Variants in B4GALT6 observed in about 807,000 individuals in gnomAD.
B4GALT6 encodes beta-1,4-galactosyltransferase 6, also known as UDP-Gal:beta-GlcNAc beta-1,4-galactosyltransferase 6.
B4GALT6 carries 14 observed loss-of-function variants against 46.3 expected under a neutral mutation model. The observed-to-expected ratio is 0.30, with a 90% CI of 0.20 to 0.47. The LOEUF (loss-of-function observed/expected upper bound fraction) is 0.47. Among genes scored for constraint, B4GALT6 ranks in the 20% least tolerant of loss-of-function variants. B4GALT6 has a pLI of 0.99. For missense variants in B4GALT6, 386 were observed against 480.1 expected (o/e 0.80, Z 1.83); for synonymous variants, 168 against 162.0 (o/e 1.04, Z -0.28).
chr18:31,630,084 C>T (rs1040269440), intron 6 of B4GALT6, among the ~76,000 whole-genome samples: 2 of 10,108 alleles, frequency 2.0e-4, no homozygotes, highest in African/African-American at 4.2e-4. Flanking sequence ...GGAGCGGAAG[C>T]GGGGAGGGGG....
chr18:31,681,485 T>C (rs1176761845), intron 1 of B4GALT6, among the ~76,000 whole-genome samples: 3 of 152,248 alleles, frequency 2.0e-5, no homozygotes, highest in Non-Finnish European at 2.9e-5. Context: ...CTGTGTTTCC[T>C]GTATGCATTA....
At chr18:31,634,391 T>C (rs1285919579) in intron 5 of B4GALT6, among the ~76,000 whole-genome samples, 1 of 152,234 alleles carries the variant, frequency 6.6e-6, no homozygotes, top group African/African-American at 2.4e-5. Flanking sequence ...CTTACTTTAG[T>C]GCAGTGCTTC....
intron 3 of B4GALT6, among the ~76,000 whole-genome samples, 184 bp downstream of exon 3, chr18:31,657,792 C>G (rs1037443715): frequency 4.6e-5 from 7 of 152,030 alleles, no homozygotes; most frequent in African/African-American, 1.7e-4. Context: ...TCAATCATCC[C>G]CCTTCAAAAT....
chr18:31,634,155 AG>A (rs2073827425), intron 5 of B4GALT6, among the ~76,000 whole-genome samples: 1 of 152,166 alleles, frequency 6.6e-6, no homozygotes, highest in South Asian at 2.1e-4. Flanking sequence ...AGACGGGGAA[AG>A]GCCTGGGGTC....
At chr18:31,655,595 G>A (rs2074128815) in intron 3 of B4GALT6, among the ~76,000 whole-genome samples, 1 of 152,140 alleles carries the variant, frequency 6.6e-6, no homozygotes, top group Non-Finnish European at 1.5e-5. Context: ...GTGGCAGACA[G>A]ATGCTTTGAA....
chr18:31,711,142 A>C, the B4GALT6 span, among the ~76,000 whole-genome samples: 1 of 152,188 alleles, frequency 6.6e-6, no homozygotes, highest in Non-Finnish European at 1.5e-5. Flanking sequence ...TCTCTTAAAA[A>C]TTTGTACAAA....
At chr18:31,699,384 T>C in the B4GALT6 span, among the ~76,000 whole-genome samples, 1 of 151,682 alleles carries the variant, frequency 6.6e-6, no homozygotes, top group Non-Finnish European at 1.5e-5. Flanking sequence ...GCGATTCTCC[T>C]GCCTCAGCCT....
intron 3 of B4GALT6, among the ~76,000 whole-genome samples, chr18:31,656,971 G>A (rs538650917): frequency 6.6e-6 from 1 of 152,240 alleles, no homozygotes; most frequent in South Asian, 2.1e-4. Flanking sequence ...TCGAAACAAC[G>A]AGAAACCATT....
In B4GALT6 at chr18:31,622,867, C is replaced by A. The variant is rs137938811; in HGVS notation, c.*2747G>T. On this transcript the variant is annotated 3_prime_UTR_variant, in exon 9 of 9. Coordinates refer to ENST00000306851, the MANE Select transcript of B4GALT6 (RefSeq NM_004775.5). The stretch of plus-strand genomic sequence containing the variant: ...TCTCCTTTTCTTCTCTACAGACAGG[C>A]CCATTAGTCATTACTTCTTTCTGTA... 3.9e-5 allele frequency: 6 copies of A among 152,138 alleles called. No homozygotes were observed. The East Asian group carries it at 1.2e-3, about 29-fold the overall frequency. 9.4% of individuals were successfully genotyped at this position (152,138 alleles called of 1,614,324 possible). A position where few individuals can be genotyped will look rare whatever the true frequency, so the allele number is the denominator to read the frequency against.
chr18:31,713,837 C>A, the B4GALT6 span, among the ~76,000 whole-genome samples: 1 of 152,230 alleles, frequency 6.6e-6, no homozygotes, highest in South Asian at 2.1e-4. Flanking sequence ...AAAATAACCG[C>A]TGACAAGCTC....
chr18:31,645,558 G>C, intron 3 of B4GALT6, 79 bp from the exon 4 acceptor site: 3 of 1,425,154 alleles, frequency 2.1e-6, no homozygotes, highest in Non-Finnish European at 2.8e-6. Context: ...AATCAGCAGG[G>C]TGATGGCATA....
the B4GALT6 span, among the ~76,000 whole-genome samples, chr18:31,709,968 G>A: frequency 1.3e-5 from 2 of 151,766 alleles, no homozygotes; most frequent in African/African-American, 2.4e-5. Flanking sequence ...GGTGGTGCAC[G>A]CCTGTAATCC....
Position 31,636,398 on chromosome 18 carries a change from T to C in B4GALT6, c.588+2246A>G, listed in dbSNP as rs1049674074. ...AAGACTTGTATTTAAAATACATAAATAATTCTTACAACTCAGTAAAAACAA... is the reference window on the plus strand; with the variant it reads ...AAGACTTGTATTTAAAATACATAAACAATTCTTACAACTCAGTAAAAACAA... On this transcript the variant is annotated intron_variant, in intron 5 of 8. Coordinates refer to ENST00000306851, the MANE Select transcript of B4GALT6 (RefSeq NM_004775.5). 1.7e-4 allele frequency among the ~76,000 whole-genome samples: 26 copies of C among 152,190 alleles called. 1 individual carries two copies. The highest frequency in any genetic ancestry group is 1.4e-3 in the Admixed American group (22 of 15,278).
chr18:31,637,573 G>GTTTGTT (rs1436884257), intron 5 of B4GALT6, among the ~76,000 whole-genome samples: 1 of 151,790 alleles, frequency 6.6e-6, no homozygotes, highest in African/African-American at 2.4e-5. Flanking sequence ...TTGTTTTTAG[G>GTTTGTT]TTTACTAACT....
In B4GALT6 at chr18:31,629,085, C is replaced by T. The variant is rs559623433; in HGVS notation, c.776+1874G>A. 1.7e-4 allele frequency among the ~76,000 whole-genome samples: 26 copies of T among 152,244 alleles called. 1 individual carries two copies. Among genetic ancestry groups the T allele is most frequent in the Admixed American group, 1.4e-3 (21 of 15,300 alleles). ...TGGACAGTAAATATATTTTCCCTCCCTTATGATTTTCTTAATAACATCTTT... is the reference window on the plus strand; with the variant it reads ...TGGACAGTAAATATATTTTCCCTCCTTTATGATTTTCTTAATAACATCTTT... On this transcript the variant is annotated intron_variant, in intron 6 of 8. Coordinates refer to ENST00000306851, the MANE Select transcript of B4GALT6 (RefSeq NM_004775.5).
the B4GALT6 span, among the ~76,000 whole-genome samples, chr18:31,697,772 T>C: frequency 6.6e-6 from 1 of 152,336 alleles, no homozygotes; most frequent in Admixed American, 6.5e-5. Context: ...GTTAGCTTGG[T>C]ATAGAAATGT....
chr18:31,637,232 T>C (rs1383545296), intron 5 of B4GALT6, among the ~76,000 whole-genome samples: 1 of 151,816 alleles, frequency 6.6e-6, no homozygotes, highest in Admixed American at 6.6e-5. Context: ...TTTATTCAGC[T>C]TTGATAGCAT....
chr18:31,711,960 C>G, the B4GALT6 span, among the ~76,000 whole-genome samples: 1 of 152,120 alleles, frequency 6.6e-6, no homozygotes, highest in African/African-American at 2.4e-5. Flanking sequence ...CTGCCTCTCC[C>G]CAACTGGATG....
chr18:31,691,141 C>G, the B4GALT6 span, among the ~76,000 whole-genome samples: 625 of 151,988 alleles, frequency 4.1e-3, 6 homozygotes, highest in African/African-American at 0.015. Flanking sequence ...TATCCCAGAA[C>G]TTAAAGTAAA....
Sources: allele counts gnomAD v4.1 joint callset (sites outside exome capture counted in the v4.1 genomes callset), GRCh38; gene constraint gnomAD v4.1.1; transcripts MANE v1.5; gene names NCBI Gene and HGNC (gene_info 2026-07-23, HGNC 2026-07-21).